PEBP4: variants seen among roughly 807,000 people sequenced by gnomAD.
PEBP4 encodes the protein phosphatidylethanolamine-binding protein 4.
PEBP4 carries 22 observed loss-of-function variants against 23.9 expected under a neutral mutation model. That is an observed-to-expected ratio of 0.92 (90% CI 0.66 to 1.31). PEBP4 has a LOEUF of 1.31. PEBP4 is among the 40% of genes most tolerant of loss of function. The probability of loss-of-function intolerance (pLI) is 0.00; values close to 1 mark genes in which losing one functional copy is unlikely to be tolerated. For synonymous variants in PEBP4, 112 were observed against 99.3 expected (o/e 1.13, Z -0.76); for missense variants, 324 against 281.7 (o/e 1.15, Z -1.07).
chr8:22,914,459 C>T (rs1585341186), intron 3 of PEBP4, among the ~76,000 whole-genome samples: 2 of 152,230 alleles, frequency 1.3e-5, no homozygotes, highest in Non-Finnish European at 2.9e-5. Context: ...TCTCTTCTCC[C>T]CTGGCAAAGC....
intron 5 of PEBP4, among the ~76,000 whole-genome samples, chr8:22,725,436 G>A (rs1030689925): frequency 3.3e-5 from 5 of 151,992 alleles, no homozygotes; most frequent in Middle Eastern, 3.2e-3. Context: ...AAGTGGTTAC[G>A]AGGGTGGGTG....
At chr8:22,924,996 T>C (rs887798948) in intron 2 of PEBP4, 20 of 985,012 alleles carry the variant, frequency 2.0e-5, no homozygotes, top group Non-Finnish European at 2.3e-5. Flanking sequence ...ACAAGAGGAG[T>C]GCCTTCTCTG....
At chr8:22,930,013 G>C (rs1234729368), upstream of PEBP4, among the ~76,000 whole-genome samples, 1 of 152,132 alleles carries the variant, frequency 6.6e-6, no homozygotes, top group South Asian at 2.1e-4. Flanking sequence ...CAGAGTCCAC[G>C]CTCTTAACCA....
intron 4 of PEBP4, among the ~76,000 whole-genome samples, chr8:22,727,709 T>C (rs1585238588): frequency 6.6e-6 from 1 of 151,974 alleles, no homozygotes; most frequent in Non-Finnish European, 1.5e-5. Context: ...TATTAAGCAA[T>C]GGGCTCAGAG....
At chr8:22,743,533 G>GGGGC (rs1805044884) in intron 4 of PEBP4, among the ~76,000 whole-genome samples, 1 of 152,244 alleles carries the variant, frequency 6.6e-6, no homozygotes, top group African/African-American at 2.4e-5. Flanking sequence ...GACCACAGCT[G>GGGGC]TTTGGAGTGG....
intron 4 of PEBP4, among the ~76,000 whole-genome samples, chr8:22,771,627 A>C (rs930194290): frequency 2.0e-5 from 3 of 152,248 alleles, no homozygotes; most frequent in Non-Finnish European, 2.9e-5. Flanking sequence ...AGAAGGTGAG[A>C]CTTGACTCCA....
At chr8:22,719,082 C>T (rs1021310341) in intron 6 of PEBP4, among the ~76,000 whole-genome samples, 70 of 152,148 alleles carry the variant, frequency 4.6e-4, no homozygotes, top group African/African-American at 1.7e-3. Flanking sequence ...TCCTCTCTGA[C>T]CCCTGTGGGT....
At chr8:22,908,266 A>G (rs1321672970) in intron 3 of PEBP4, among the ~76,000 whole-genome samples, 1 of 152,128 alleles carries the variant, frequency 6.6e-6, no homozygotes, top group Non-Finnish European at 1.5e-5. Flanking sequence ...CACCCAGCAG[A>G]AGAAGCTGGG....
At chr8:22,816,706 T>C (rs1806747740) in intron 4 of PEBP4, among the ~76,000 whole-genome samples, 1 of 152,182 alleles carries the variant, frequency 6.6e-6, no homozygotes, top group Non-Finnish European at 1.5e-5. Context: ...AACTTTGTTT[T>C]TCTAGTTCCG....
intron 3 of PEBP4, among the ~76,000 whole-genome samples, chr8:22,855,889 A>T (rs1483813910): frequency 3.3e-5 from 5 of 151,952 alleles, no homozygotes; most frequent in Non-Finnish European, 5.9e-5. Flanking sequence ...AAAAAATTTT[A>T]AAAATAGCCA....
chr8:22,793,433 A>AC (rs368821627), intron 4 of PEBP4, among the ~76,000 whole-genome samples: 3 of 120,342 alleles, frequency 2.5e-5, no homozygotes, highest in Non-Finnish European at 3.4e-5. Context: ...CGCCCAGCTC[A>AC]TTTTTTTTTT....
At chr8:22,804,366 C>T (rs772832493) in intron 4 of PEBP4, among the ~76,000 whole-genome samples, 3 of 152,134 alleles carry the variant, frequency 2.0e-5, no homozygotes, top group Non-Finnish European at 4.4e-5. Flanking sequence ...GTTTTTACCC[C>T]GTGTTGGAAG....
chr8:22,874,327 C>T (rs1808074812), intron 3 of PEBP4, among the ~76,000 whole-genome samples: 1 of 152,168 alleles, frequency 6.6e-6, no homozygotes, highest in Admixed American at 6.5e-5. Flanking sequence ...ATCATTGACA[C>T]TCAAAAGCCC....
intron 3 of PEBP4, among the ~76,000 whole-genome samples, chr8:22,902,912 C>G (rs564732639): frequency 6.6e-6 from 1 of 152,224 alleles, no homozygotes. Context: ...GCAGCATAGC[C>G]TTGCGTTCCC....
At chr8:22,924,718 G>A (rs1379452461) in intron 2 of PEBP4, 2 of 985,200 alleles carry the variant, frequency 2.0e-6, no homozygotes, top group African/African-American at 3.5e-5. Context: ...CAGCAGGTGG[G>A]GTTTTTTGAG....
intron 4 of PEBP4, among the ~76,000 whole-genome samples, chr8:22,756,669 A>G (rs1383588644): frequency 6.6e-6 from 1 of 152,232 alleles, no homozygotes; most frequent in Non-Finnish European, 1.5e-5. Context: ...TGTCTGTACA[A>G]AAACCCACTT....
chr8:22,890,153 G>A (rs1291547692), intron 3 of PEBP4, among the ~76,000 whole-genome samples: 2 of 152,142 alleles, frequency 1.3e-5, no homozygotes, highest in African/African-American at 4.8e-5. Context: ...CTCCCCTGGG[G>A]ACTCAGCAAC....
intron 4 of PEBP4, among the ~76,000 whole-genome samples, chr8:22,750,187 C>T (rs1350509355): frequency 2.0e-5 from 3 of 150,834 alleles, no homozygotes; most frequent in Non-Finnish European, 3.0e-5. Flanking sequence ...CTGCAACCTC[C>T]ACCTCGCGGG....
At chr8:22,802,275 G>T (rs894455929) in intron 4 of PEBP4, among the ~76,000 whole-genome samples, 12 of 152,172 alleles carry the variant, frequency 7.9e-5, no homozygotes, top group Admixed American at 7.2e-4. Context: ...GTGGAGGTTG[G>T]CAGGGGAGCC....
Sources: allele counts gnomAD v4.1 joint callset (sites outside exome capture counted in the v4.1 genomes callset), GRCh38; gene constraint gnomAD v4.1.1; transcripts MANE v1.5; gene names NCBI Gene and HGNC (gene_info 2026-07-23, HGNC 2026-07-21).